Variants in MDN1 observed in about 807,000 individuals in gnomAD.
MDN1 encodes midasin AAA ATPase 1.
A neutral mutation model predicts 669.2 loss-of-function variants in MDN1; 266 were observed. That is an observed-to-expected ratio of 0.40 (90% CI 0.36 to 0.44). The LOEUF is 0.44. MDN1 is among the 20% of genes least tolerant of loss of function. The pLI is 1.00. For missense variants in MDN1, 5,940 were observed against 6,754.0 expected (o/e 0.88, Z 4.22); for synonymous variants, 2,385 against 2,457.1 (o/e 0.97, Z 0.87).
At chr6:89,733,267 A>G (rs549502590) in intron 33 of MDN1, among the ~76,000 whole-genome samples, 3 of 152,118 alleles carry the variant, frequency 2.0e-5, no homozygotes, top group Non-Finnish European at 2.9e-5. Flanking sequence ...AGCAATCAGA[A>G]TTCAGCAAAT....
At chr6:89,813,126 G>C (rs1768557135) in intron 1 of MDN1, among the ~76,000 whole-genome samples, 1 of 152,162 alleles carries the variant, frequency 6.6e-6, no homozygotes. Context: ...CTTTAGTAGA[G>C]AAGGGGTTTC....
chr6:89,773,685 C>G (rs1421510546), intron 13 of MDN1, among the ~76,000 whole-genome samples: 1 of 152,084 alleles, frequency 6.6e-6, no homozygotes, highest in Admixed American at 6.5e-5. Context: ...CAGGAAGAGG[C>G]CAGGCACCGT....
chr6:89,675,790 T>C (rs1562072051), intron 77 of MDN1: 45 of 571,554 alleles, frequency 7.9e-5, no homozygotes, highest in Non-Finnish European at 8.6e-5. Context: ...AAAATGCATT[T>C]ATTAGTGGTC....
Position 89,803,818 on chromosome 6 carries a change from T to C in MDN1, c.103-264A>G, listed in dbSNP as rs1584396631. Among the ~76,000 whole-genome samples, 3 of 150,972 alleles carry C rather than the reference T, an allele frequency of 2.0e-5. No homozygotes were observed. The South Asian group carries it at 6.3e-4, about 31-fold the overall frequency. On this transcript the variant is annotated intron_variant, in intron 1 of 101. Transcript: ENST00000369393. Reference sequence around the variant, plus strand: ...GGATGGTCTCGATCTCCTGACCTCGTGATCCGCCCGCCTCAGCCTCCCAAA... The same window carrying C: ...GGATGGTCTCGATCTCCTGACCTCGCGATCCGCCCGCCTCAGCCTCCCAAA...
intron 78 of MDN1, 128 bp from the exon 79 acceptor site, chr6:89,674,717 C>G (rs1012095486): frequency 2.3e-6 from 3 of 1,286,078 alleles, no homozygotes; most frequent in Non-Finnish European, 3.1e-6. Context: ...AAGGAAGAAT[C>G]CCCCAGATAG....
intron 44 of MDN1, among the ~76,000 whole-genome samples, chr6:89,716,366 A>C (rs1814370426): frequency 6.6e-6 from 1 of 152,202 alleles, no homozygotes; most frequent in African/African-American, 2.4e-5. Context: ...TCTGATATTA[A>C]ATTAAAAGGC....
At chr6:89,724,075 G>A (rs1336933697) in intron 38 of MDN1, among the ~76,000 whole-genome samples, 1 of 151,896 alleles carries the variant, frequency 6.6e-6, no homozygotes, top group Admixed American at 6.6e-5. Context: ...CCCAGGAGGA[G>A]GAGATTGCAG....
chr6:89,682,275 T>C (rs1811662109), intron 73 of MDN1, among the ~76,000 whole-genome samples: 1 of 152,240 alleles, frequency 6.6e-6, no homozygotes, highest in South Asian at 2.1e-4. Flanking sequence ...TCTTTGCTCA[T>C]AGCAGATGAA....
chr6:89,743,316 G>A (rs1816389656), intron 30 of MDN1, 36 bp from the exon 31 acceptor site: 1 of 1,612,918 alleles, frequency 6.2e-7, no homozygotes, highest in Non-Finnish European at 8.5e-7. Flanking sequence ...TTAAAGGGCA[G>A]GTGGCTCCAC....
intron 63 of MDN1, among the ~76,000 whole-genome samples, chr6:89,691,444 G>A (rs1256133962): frequency 2.6e-5 from 4 of 152,198 alleles, no homozygotes; most frequent in African/African-American, 4.8e-5. Flanking sequence ...AGCCTAAGAA[G>A]TGTGTTTAAT....
intron 93 of MDN1, among the ~76,000 whole-genome samples, chr6:89,653,616 C>T (rs562898393): frequency 4.6e-5 from 7 of 152,332 alleles, no homozygotes; most frequent in African/African-American, 1.4e-4. Flanking sequence ...ACAGTTCTAA[C>T]GCTCCTGAGA....
At chr6:89,662,595 A>G (rs1235308499) in intron 86 of MDN1, among the ~76,000 whole-genome samples, 197 bp downstream of exon 86, 1 of 152,204 alleles carries the variant, frequency 6.6e-6, no homozygotes, top group Non-Finnish European at 1.5e-5. Context: ...TTCATAACAC[A>G]TGGGATGACT....
chr6:89,782,473 T>C (rs2128324802), intron 9 of MDN1, among the ~76,000 whole-genome samples: 1 of 151,852 alleles, frequency 6.6e-6, no homozygotes, highest in Admixed American at 6.6e-5. Context: ...CTGTAGTCAG[T>C]CCCAGGTACC....
Position 89,704,168 on chromosome 6 carries a change from G to A in MDN1, c.8148+1891C>T, listed in dbSNP as rs1813370649. Reference sequence around the variant, plus strand: ...GGTTGACGCAGGTGGATCACCTGAGGTCAGGAGTTCAAGACCAGCCTGACC... The same window carrying A: ...GGTTGACGCAGGTGGATCACCTGAGATCAGGAGTTCAAGACCAGCCTGACC... On this transcript the variant is annotated intron_variant, in intron 53 of 101. Transcript: ENST00000369393. 2.0e-5 allele frequency among the ~76,000 whole-genome samples: 3 copies of A among 151,980 alleles called. No individual in the cohort carries two copies. In the South Asian group the frequency reaches 6.2e-4, roughly 32 times the overall value.
At chr6:89,740,890 T>C (rs1816257090) in intron 31 of MDN1, among the ~76,000 whole-genome samples, 1 of 152,244 alleles carries the variant, frequency 6.6e-6, no homozygotes, top group African/African-American at 2.4e-5. Context: ...ATCAGAAATT[T>C]AGTGTAATGC....
Position 89,732,750 on chromosome 6 carries a change from C to T in MDN1, c.4749G>A (p.Leu1583=). ...GGTGGGTCAGCCAGTCAATGAAATC[C>T]AGCATCACTTCAGGTATGTCAGACC... ...PKGSDIPEVM[L]DFIDWLTHQE... Residue 1583 remains leucine, a synonymous_variant, in exon 34 of 102, where the codon CTG becomes CTA. Coordinates refer to ENST00000369393, the MANE Select transcript of MDN1 (RefSeq NM_014611.3). 1 of 1,614,086 alleles carries T rather than the reference C, an allele frequency of 6.2e-7. No homozygotes were observed. The highest frequency in any genetic ancestry group is 8.5e-7 in the Non-Finnish European group (1 of 1,179,994).
chr6:89,683,952 A>C, intron 71 of MDN1, 48 bp from the exon 72 acceptor site: 2 of 1,382,454 alleles, frequency 1.4e-6, no homozygotes, highest in South Asian at 2.3e-5. Flanking sequence ...AGCTAGTGTC[A>C]TTCTGTTTCT....
At chr6:89,711,967 G>A (rs1323874854) in intron 49 of MDN1, 69 bp downstream of exon 49, 2 of 1,337,922 alleles carry the variant, frequency 1.5e-6, no homozygotes, top group Non-Finnish European at 2.1e-6. Context: ...TAACACAGCT[G>A]CTGAGGCACT....
Position 89,696,350 on chromosome 6 carries a change from G to A in MDN1, c.9383+10C>T, listed in dbSNP as rs756662976. On this transcript the variant is annotated intron_variant, in intron 60 of 101. Transcript: ENST00000369393. Reference sequence around the variant, plus strand: ...GAACTTTACAGTCTGCTTCCAGGGCGAGGGAATACCTGAATTCTGCTACTG... The same window carrying A: ...GAACTTTACAGTCTGCTTCCAGGGCAAGGGAATACCTGAATTCTGCTACTG... 53 of 1,612,782 alleles carry A rather than the reference G, an allele frequency of 3.3e-5. No individual in the cohort carries two copies. Among genetic ancestry groups the A allele is most frequent in the African/African-American group, 8.0e-5 (6 of 74,888 alleles).
Sources: gnomAD v4.1 joint callset for allele counts (sites outside exome capture counted in the v4.1 genomes callset) on GRCh38, gnomAD v4.1.1 for gene constraint, MANE v1.5 for transcripts, NCBI Gene and HGNC (gene_info 2026-07-23, HGNC 2026-07-21) for gene names.